The following ANK2 variants were observed in gnomAD, a reference collection of about 807,000 sequenced individuals.
ANK2 encodes ankyrin-2.
In ANK2, 83 loss-of-function variants were observed where a neutral mutation model predicts 360.5. The ratio of observed to expected loss-of-function variants is 0.23; its 90% confidence interval spans 0.19 to 0.28. The LOEUF (loss-of-function observed/expected upper bound fraction) is 0.28, where lower values mean the gene tolerates loss of function less well. ANK2 is among the 10% of genes least tolerant of loss of function. ANK2 has a pLI of 1.00. For missense variants in ANK2, 4,201 were observed against 4,795.7 expected, an observed-to-expected ratio of 0.88 and a Z score of 3.66; for synonymous variants, 1,740 against 1,759.5, an observed-to-expected ratio of 0.99 and a Z score of 0.28.
At chr4:113,189,923 A>G (rs2098629304) in intron 2 of ANK2, among the ~76,000 whole-genome samples, 2 of 152,192 alleles carry the variant, frequency 1.3e-5, no homozygotes, top group South Asian at 4.1e-4. Context: ...TAAATGAGTC[A>G]GTGATAAACA....
At chr4:113,140,147 A>C (rs1317494782) in intron 1 of ANK2, among the ~76,000 whole-genome samples, 1 of 152,212 alleles carries the variant, frequency 6.6e-6, no homozygotes, top group Non-Finnish European at 1.5e-5. Context: ...AGAAAATAGC[A>C]TGCTGCCTTG....
At chr4:113,223,321 C>T (rs184510607) in intron 4 of ANK2, among the ~76,000 whole-genome samples, 12 of 152,232 alleles carry the variant, frequency 7.9e-5, no homozygotes, top group Admixed American at 2.0e-4. Context: ...TAAATCTTGA[C>T]GTTGACCTGC....
chr4:112,819,779 T>A (rs1414483182), intron 1 of ANK2, among the ~76,000 whole-genome samples: 1 of 152,176 alleles, frequency 6.6e-6, no homozygotes, highest in Non-Finnish European at 1.5e-5. Flanking sequence ...CCTCCTTCCA[T>A]ATTGTTGAGT....
At chr4:112,749,324 C>T in the ANK2 span, among the ~76,000 whole-genome samples, 2 of 152,160 alleles carry the variant, frequency 1.3e-5, no homozygotes, top group African/African-American at 4.8e-5. Flanking sequence ...GAGGAAAAGC[C>T]TGAGTCTCAA....
chr4:113,083,222 A>G (rs1422995912), intron 1 of ANK2, among the ~76,000 whole-genome samples: 1 of 152,148 alleles, frequency 6.6e-6, no homozygotes, highest in Non-Finnish European at 1.5e-5. Flanking sequence ...TTCGTTGCCT[A>G]TGCTGGAGTG....
At chr4:113,237,527 G>A in intron 6 of ANK2, 72 bp from the exon 7 acceptor site, 1 of 1,441,150 alleles carries the variant, frequency 6.9e-7, no homozygotes, top group Non-Finnish European at 9.8e-7. Context: ...ATTGCAGCGA[G>A]CAGATTGACT....
At chr4:113,247,215 A>C (rs2043438811) in intron 9 of ANK2, among the ~76,000 whole-genome samples, 1 of 152,054 alleles carries the variant, frequency 6.6e-6, no homozygotes, top group Non-Finnish European at 1.5e-5. Flanking sequence ...GAAGGGGGAA[A>C]AACCCATAAC....
chr4:112,912,501 T>G (rs2087976681), intron 2 of ANK2, among the ~76,000 whole-genome samples: 1 of 152,034 alleles, frequency 6.6e-6, no homozygotes, highest in African/African-American at 2.4e-5. Context: ...TGGTGTATAT[T>G]ATGATTTTCC....
chr4:112,888,091 GT>G (rs2078924130), intron 1 of ANK2, among the ~76,000 whole-genome samples: 1 of 151,982 alleles, frequency 6.6e-6, no homozygotes, highest in Non-Finnish European at 1.5e-5. Flanking sequence ...GATAGGTAGT[GT>G]TTTCCTTTAC....
rs567419487 is a variant in ANK2, at chr4:113,383,045, T to A, written c.*1574T>A. The A allele has an allele frequency of 1.3e-5, 2 of 152,752 alleles. No individual in the cohort carries two copies. The highest frequency in any genetic ancestry group is 4.1e-4 in the South Asian group (2 of 4,830). The allele number at this position is 152,752 out of a possible 1,614,324, so 9.5% of individuals were successfully genotyped here. ...TTCACAAATATATTCATATAAACAG[T>A]ATACATTTTGAATCAGTCATTTGTT... On this transcript the variant is annotated 3_prime_UTR_variant, in exon 46 of 46. Transcript: ENST00000357077.
At chr4:112,826,150 T>A (rs1460124811) in intron 1 of ANK2, among the ~76,000 whole-genome samples, 1 of 152,234 alleles carries the variant, frequency 6.6e-6, no homozygotes, top group Non-Finnish European at 1.5e-5. Flanking sequence ...CTTCGTTTAT[T>A]TAGGGACATT....
At position 113,358,494 on chromosome 4, in the gene ANK2, G is replaced by A. The variant is rs769951852; in HGVS notation, c.9876G>A (p.Met3292Ile). 1.2e-6 allele frequency: 2 copies of A among 1,614,092 alleles called. No individual in the cohort carries two copies. Among genetic ancestry groups the A allele is most frequent in the Non-Finnish European group, 1.7e-6 (2 of 1,179,978 alleles). Residue 3292 changes from methionine to isoleucine, a missense_variant, in exon 38 of 46, where the codon ATG (methionine) becomes ATA (isoleucine). This residue lies in a region of ANK2 where 2,642 missense variants were observed against 2,714.5 expected (regional missense o/e 0.97). Coordinates refer to ENST00000357077, the MANE Select transcript of ANK2 (RefSeq NM_001148.6). Reference sequence around the variant, plus strand: ...TAATCGAGATTCCTACTGCACCCATGGAGAATGTGCCTTTTACTGAAAGCA... The same window carrying A: ...TAATCGAGATTCCTACTGCACCCATAGAGAATGTGCCTTTTACTGAAAGCA... ...KSVIEIPTAPMENVPFTESKS... is the reference protein window; with the variant it reads ...KSVIEIPTAPIENVPFTESKS...
the ANK2 span, among the ~76,000 whole-genome samples, chr4:112,793,103 A>G: frequency 1.3e-5 from 2 of 151,938 alleles, no homozygotes; most frequent in Non-Finnish European, 1.5e-5. Context: ...TTAAAAACTT[A>G]TAGGTATTAA....
intron 1 of ANK2, among the ~76,000 whole-genome samples, chr4:112,860,809 G>T (rs182576295): frequency 6.6e-6 from 1 of 151,978 alleles, no homozygotes; most frequent in Non-Finnish European, 1.5e-5. Context: ...GGTGACTGGG[G>T]CTATTGTAAT....
intron 2 of ANK2, among the ~76,000 whole-genome samples, chr4:112,974,159 G>T (rs2040556052): frequency 6.6e-6 from 1 of 152,146 alleles, no homozygotes; most frequent in Admixed American, 6.5e-5. Context: ...GTGCTGAGGG[G>T]AAATGACACA....
rs545192118 is a variant in ANK2, at chr4:112,941,654, G to T, written c.21+37140G>T. ...AAATATATAAATATATAAATATATA[G>T]ATATATATAAATATATATAAAAGGA... On this transcript the variant is annotated intron_variant, in intron 2 of 30. Transcript: ENST00000503271. Among the ~76,000 whole-genome samples the T allele has an allele frequency of 1.2e-3, 178 of 142,454 alleles. 2 individuals are homozygous for T. Among genetic ancestry groups the T allele is most frequent in the Middle Eastern group, 4.0e-3 (1 of 248 alleles). 93.5% of individuals were successfully genotyped at this position (142,454 alleles called of 152,430 possible). A position where few individuals can be genotyped will look rare whatever the true frequency, so the allele number is the denominator to read the frequency against.
intron 1 of ANK2, among the ~76,000 whole-genome samples, chr4:113,143,822 C>G (rs575401224): frequency 1.8e-4 from 28 of 152,196 alleles, no homozygotes; most frequent in African/African-American, 6.7e-4. Flanking sequence ...AACATCATAG[C>G]CTACTTAAAT....
chr4:113,234,500 G>T (rs1463249028), intron 5 of ANK2, among the ~76,000 whole-genome samples: 3 of 151,982 alleles, frequency 2.0e-5, no homozygotes, highest in Non-Finnish European at 4.4e-5. Context: ...AAACACACAT[G>T]GACAAATCTT....
At chr4:113,192,321 T>C (rs1166438661) in intron 2 of ANK2, among the ~76,000 whole-genome samples, 1 of 152,142 alleles carries the variant, frequency 6.6e-6, no homozygotes, top group African/African-American at 2.4e-5. Context: ...TAAACTTCTT[T>C]TTTGCAATCC....
Sources: allele counts gnomAD v4.1 joint callset (sites outside exome capture counted in the v4.1 genomes callset), GRCh38; gene constraint gnomAD v4.1.1; regional missense constraint gnomAD v4.1.1; transcripts MANE v1.5; gene names NCBI Gene and HGNC (gene_info 2026-07-23, HGNC 2026-07-21).